FTO: variants seen among roughly 807,000 people sequenced by gnomAD.
FTO encodes the protein alpha-ketoglutarate-dependent dioxygenase FTO.
FTO carries 47 observed loss-of-function variants against 63.9 expected under a neutral mutation model. The ratio of observed to expected loss-of-function variants is 0.74; its 90% CI spans 0.58 to 0.94. The LOEUF (loss-of-function observed/expected upper bound fraction) is 0.94, where lower values mean the gene tolerates loss of function less well. Among genes scored for constraint, FTO ranks in the 40% least tolerant of loss-of-function variants. FTO has a pLI of 0.00. For synonymous variants in FTO, 207 were observed against 224.4 expected (o/e 0.92, Z 0.69); for missense variants, 562 against 618.1 (o/e 0.91, Z 0.96).
intron 8 of FTO, among the ~76,000 whole-genome samples, chr16:53,955,161 T>A (rs2082899161): frequency 6.6e-6 from 1 of 152,130 alleles, no homozygotes; most frequent in Admixed American, 6.5e-5. Flanking sequence ...TATCTGAGTA[T>A]CCAGTTGCAT....
intron 8 of FTO, among the ~76,000 whole-genome samples, chr16:54,044,942 G>A (rs1340977170): frequency 9.3e-6 from 1 of 107,430 alleles, no homozygotes; most frequent in Non-Finnish European, 1.7e-5. Context: ...CAGAATCTCT[G>A]GGACGCATTC....
At chr16:53,750,540 A>G (rs1380239692) in intron 1 of FTO, among the ~76,000 whole-genome samples, 1 of 152,206 alleles carries the variant, frequency 6.6e-6, no homozygotes, top group African/African-American at 2.4e-5. Context: ...TGCTCGGCCA[A>G]TAATGGCTTT....
At chr16:53,915,382 C>T (rs1567432827) in intron 7 of FTO, among the ~76,000 whole-genome samples, 2 of 152,146 alleles carry the variant, frequency 1.3e-5, no homozygotes, top group African/African-American at 4.8e-5. Context: ...AATAGAGTAT[C>T]CTCCCAGCTT....
chr16:54,076,399 T>C (rs2085993898), intron 8 of FTO, among the ~76,000 whole-genome samples: 1 of 152,040 alleles, frequency 6.6e-6, no homozygotes, highest in African/African-American at 2.4e-5. Flanking sequence ...TAGAAACATA[T>C]AATAGCTATG....
chr16:53,935,028 G>A (rs1270643967), intron 8 of FTO, among the ~76,000 whole-genome samples: 1 of 152,160 alleles, frequency 6.6e-6, no homozygotes, highest in Non-Finnish European at 1.5e-5. Context: ...TAAATATCAT[G>A]TGGTCCTATT....
chr16:53,979,412 C>G, intron 8 of FTO: 2 of 398,594 alleles, frequency 5.0e-6, no homozygotes, highest in East Asian at 7.1e-5. Flanking sequence ...GAGAATGCCT[C>G]TCCCATCTCA....
intron 8 of FTO, chr16:53,991,179 CA>C (rs1266264782): frequency 6.6e-6 from 1 of 152,232 alleles, no homozygotes; most frequent in East Asian, 1.9e-4. Context: ...ACCCAAATCT[CA>C]GCGTGTGTCC....
At chr16:53,788,742 G>T (rs867799165) in intron 1 of FTO, among the ~76,000 whole-genome samples, 34 of 152,160 alleles carry the variant, frequency 2.2e-4, no homozygotes, top group African/African-American at 6.7e-4. Context: ...GTATCATAGG[G>T]GTAGTTACCT....
At chr16:53,711,960 T>G (rs2075785911) in intron 1 of FTO, among the ~76,000 whole-genome samples, 1 of 152,208 alleles carries the variant, frequency 6.6e-6, no homozygotes, top group Non-Finnish European at 1.5e-5. Flanking sequence ...ATGCAGTGGC[T>G]TATACCTGTA....
chr16:54,020,383 T>A lies in FTO; in HGVS notation c.1364+86274T>A, dbSNP rs75061586. On this transcript the variant is annotated intron_variant, in intron 8 of 8. Coordinates refer to ENST00000471389, the MANE Select transcript of FTO (RefSeq NM_001080432.3). ...TACACCATGAAGACATTGCTTCCAGTAGGTTTTCTTGCTGGAGACAAAAAG... is the reference window on the plus strand; with the variant it reads ...TACACCATGAAGACATTGCTTCCAGAAGGTTTTCTTGCTGGAGACAAAAAG... 9.9e-4 allele frequency among the ~76,000 whole-genome samples: 151 copies of A among 152,298 alleles called. No individual in the cohort carries two copies. In the East Asian group the frequency reaches 0.015, roughly 16 times the overall value.
At chr16:53,867,525 GTGTT>G (rs1026113978) in intron 4 of FTO, among the ~76,000 whole-genome samples, 10 of 151,242 alleles carry the variant, frequency 6.6e-5, no homozygotes, top group Non-Finnish European at 1.0e-4. Flanking sequence ...GTGTGTGTGT[GTGTT>G]TGTGTGTACC....
intron 8 of FTO, among the ~76,000 whole-genome samples, chr16:54,099,488 A>G (rs2086587518): frequency 6.6e-6 from 1 of 152,132 alleles, no homozygotes; most frequent in African/African-American, 2.4e-5. Flanking sequence ...CTTGATACAT[A>G]TAATCGTCCA....
At chr16:53,769,583 A>G (rs1391100314) in intron 1 of FTO, among the ~76,000 whole-genome samples, 1 of 152,142 alleles carries the variant, frequency 6.6e-6, no homozygotes, top group African/African-American at 2.4e-5. Context: ...AAAAGAGATG[A>G]AAGTCTAAAT....
At chr16:53,883,179 T>C (rs1305024040) in intron 6 of FTO, among the ~76,000 whole-genome samples, 4 of 152,226 alleles carry the variant, frequency 2.6e-5, no homozygotes, top group Non-Finnish European at 5.9e-5. Flanking sequence ...ACTAGCAGAA[T>C]GGGTGCTTTC....
intron 1 of FTO, among the ~76,000 whole-genome samples, chr16:53,800,172 C>A (rs1006263930): frequency 6.6e-6 from 1 of 152,056 alleles, no homozygotes; most frequent in Non-Finnish European, 1.5e-5. Context: ...AGTTTAGGTG[C>A]ATCCTACAAA....
At chr16:53,934,133 TTTG>T in intron 8 of FTO, 24 bp downstream of exon 8, 1 of 1,613,734 alleles carries the variant, frequency 6.2e-7, no homozygotes, top group Non-Finnish European at 8.5e-7. Context: ...TGAAATGGGA[TTTG>T]TTGTTCTTGA....
At position 54,060,776 on chromosome 16, in the gene FTO, A is replaced by T. The variant is rs2085551010; in HGVS notation, c.1365-50986A>T. On this transcript the variant is annotated intron_variant, in intron 8 of 8. Coordinates refer to ENST00000471389, the MANE Select transcript of FTO (RefSeq NM_001080432.3). The stretch of plus-strand genomic sequence containing the variant: ...TCTATGGCATGTACTTTATGGAGGT[A>T]TTTTGTTTGGTCTATTGCGGCAGCA... Among the ~76,000 whole-genome samples the T allele has an allele frequency of 2.6e-5, 4 of 152,254 alleles. No individual in the cohort carries two copies. In the South Asian group the frequency reaches 8.3e-4, roughly 32 times the overall value.
chr16:53,826,816 T>C (rs2079020167), intron 3 of FTO, among the ~76,000 whole-genome samples: 1 of 152,176 alleles, frequency 6.6e-6, no homozygotes, highest in African/African-American at 2.4e-5. Flanking sequence ...CCGACTGTCT[T>C]CTCTACAGCT....
intron 7 of FTO, among the ~76,000 whole-genome samples, chr16:53,904,864 C>A (rs1400310466): frequency 2.0e-5 from 3 of 152,018 alleles, no homozygotes; most frequent in Admixed American, 6.5e-5. Flanking sequence ...CTGACTCATT[C>A]TCTGCTCTGG....
Sources: gnomAD v4.1 joint callset for allele counts (sites outside exome capture counted in the v4.1 genomes callset) on GRCh38, gnomAD v4.1.1 for gene constraint, MANE v1.5 for transcripts, NCBI Gene and HGNC (gene_info 2026-07-23, HGNC 2026-07-21) for gene names.